The following RMDN1 variants were observed in gnomAD, a reference collection of about 807,000 sequenced individuals.
RMDN1 encodes the protein regulator of microtubule dynamics 1, also known as regulator of microtubule dynamics protein 1.
In RMDN1, 48 loss-of-function variants were observed where a neutral mutation model predicts 48.9. That is an observed-to-expected ratio of 0.98 (90% CI 0.78 to 1.25). The LOEUF (loss-of-function observed/expected upper bound fraction) is 1.25. Among genes scored for constraint, RMDN1 ranks in the 50% most tolerant of loss-of-function variants. The pLI, the probability that RMDN1 is intolerant of heterozygous loss-of-function variation, is 0.00. For synonymous variants in RMDN1, 148 were observed against 132.6 expected (o/e 1.12, Z -0.80); for missense variants, 418 against 373.4 (o/e 1.12, Z -0.98).
At chr8:86,505,429 A>G in intron 2 of RMDN1, 1 of 453,170 alleles carries the variant, frequency 2.2e-6, no homozygotes, top group Admixed American at 2.4e-5. Flanking sequence ...CCAACCTCAG[A>G]CTTATCAGGA....
At chr8:86,481,866 A>C in intron 5 of RMDN1, 1 of 739,222 alleles carries the variant, frequency 1.4e-6, no homozygotes, top group Non-Finnish European at 2.1e-6. Flanking sequence ...TTTTTTTAAA[A>C]ACATCAAGGT....
rs142790474 is a variant in RMDN1 at position 86,489,531 on chromosome 8, G to C, written c.248-892C>G. The stretch of plus-strand genomic sequence containing the variant: ...TACTTTAATTAATCACAGTATACTT[G>C]AGGTTAAAAGGGTTTCTTGGCTGGG... On this transcript the variant is annotated intron_variant, in intron 2 of 9. Coordinates refer to ENST00000406452, the MANE Select transcript of RMDN1 (RefSeq NM_016033.3). 3.3e-5 allele frequency among the ~76,000 whole-genome samples: 5 copies of C among 152,186 alleles called. No individual in the cohort carries two copies. In the East Asian group the frequency reaches 9.7e-4, roughly 29 times the overall value.
intron 8 of RMDN1, 132 bp downstream of exon 8, chr8:86,477,162 T>C (rs571873357): frequency 2.0e-5 from 11 of 547,282 alleles, no homozygotes; most frequent in East Asian, 2.0e-4. Context: ...ACTTTAAAAA[T>C]TGTTTTACAG....
chr8:86,472,569 T>G lies in RMDN1; in HGVS notation c.*1739A>C, dbSNP rs1563571863. 1.5e-6 allele frequency: 1 copy of G among 686,840 alleles called. No homozygotes were observed. The highest frequency in any genetic ancestry group is 2.6e-6 in the Non-Finnish European group (1 of 378,996). 42.5% of individuals were successfully genotyped at this position (686,840 alleles called of 1,614,324 possible). The stretch of plus-strand genomic sequence containing the variant: ...GAAAGCCTGCCATTGTTGTTGCCGT[T>G]TAACAGCTGATACAGGTTTCTGGTG... On this transcript the variant is annotated 3_prime_UTR_variant, in exon 10 of 10. Coordinates refer to ENST00000406452, the MANE Select transcript of RMDN1 (RefSeq NM_016033.3).
chr8:86,488,525 A>G, intron 3 of RMDN1, 27 bp downstream of exon 3: 1 of 1,443,162 alleles, frequency 6.9e-7, no homozygotes, highest in Non-Finnish European at 9.4e-7. Context: ...GGAAACCACA[A>G]GCCTAGGCCT....
chr8:86,480,358 C>T, intron 5 of RMDN1, 26 bp from the exon 6 acceptor site: 1 of 1,350,880 alleles, frequency 7.4e-7, no homozygotes, highest in Non-Finnish European at 1.0e-6. Context: ...AAAAATAAAT[C>T]ATATTTGTTT....
chr8:86,486,476 C>A lies in RMDN1; in HGVS notation c.495+8G>T. ...GTACATGGTTAATAGCTTAGTTAAG[C>A]AACTCACCTTATGAGATGCAAAACT... On this transcript the variant is annotated splice_region_variant and intron_variant, in intron 4 of 9. Coordinates refer to ENST00000406452, the MANE Select transcript of RMDN1 (RefSeq NM_016033.3). 2 of 1,577,730 alleles carry A rather than the reference C, an allele frequency of 1.3e-6. No individual in the cohort carries two copies. Among genetic ancestry groups the A allele is most frequent in the Non-Finnish European group, 1.7e-6 (2 of 1,158,724 alleles).
At chr8:86,505,897 C>A (rs570001588) in intron 2 of RMDN1, among the ~76,000 whole-genome samples, 4 of 152,096 alleles carry the variant, frequency 2.6e-5, no homozygotes, top group Non-Finnish European at 5.9e-5. Context: ...AAGTCATATG[C>A]CTACATAATA....
intron 2 of RMDN1, among the ~76,000 whole-genome samples, chr8:86,499,974 T>G (rs543677412): frequency 1.3e-5 from 2 of 152,292 alleles, no homozygotes; most frequent in African/African-American, 4.8e-5. Context: ...CTGGGATAAC[T>G]GCCTAGCCAT....
In RMDN1 at chr8:86,480,323, C is replaced by A; in HGVS notation, c.595G>T (p.Glu199Ter). ...IIKEHFEKAI[E>*]LNPKDATSIH... ...GAAGTAGCATCTTTAGGGTTCAGTT[C>A]AATTGCTTTCTAACAAGAAATGAGA... Residue 199 changes from glutamate to a stop codon, truncating the protein, a stop_gained, in exon 6 of 10, where the codon GAA becomes TAA. Coordinates refer to ENST00000406452, the MANE Select transcript of RMDN1 (RefSeq NM_016033.3). LOFTEE classifies it high-confidence loss of function. The A allele has an allele frequency of 6.5e-7, 1 of 1,527,688 alleles. No individual in the cohort carries two copies. Among genetic ancestry groups the A allele is most frequent in the Non-Finnish European group, 8.9e-7 (1 of 1,122,562 alleles). 94.6% of individuals were successfully genotyped at this position (1,527,688 alleles called of 1,614,324 possible).
rs1353086413 is a variant in RMDN1, at chr8:86,483,590, A to G, written c.585+1282T>C. ...AACAGGTAAATTGTTACATTATAAAATGTCAGTTATTATGTATATATTACT... is the reference window on the plus strand; with the variant it reads ...AACAGGTAAATTGTTACATTATAAAGTGTCAGTTATTATGTATATATTACT... On this transcript the variant is annotated intron_variant, in intron 5 of 9. Transcript: ENST00000406452. 3.3e-5 allele frequency among the ~76,000 whole-genome samples: 5 copies of G among 152,214 alleles called. No individual in the cohort carries two copies. In the East Asian group the frequency reaches 9.6e-4, roughly 29 times the overall value.
At chr8:86,481,155 T>C (rs1352887681) in intron 5 of RMDN1, among the ~76,000 whole-genome samples, 1 of 152,164 alleles carries the variant, frequency 6.6e-6, no homozygotes, top group Admixed American at 6.5e-5. Flanking sequence ...ATGTGTGAGG[T>C]ACACATTTTC....
chr8:86,506,006 T>C (rs1392510928), intron 2 of RMDN1, among the ~76,000 whole-genome samples: 7 of 152,216 alleles, frequency 4.6e-5, no homozygotes, highest in African/African-American at 1.4e-4. Context: ...TTGTAGTTAA[T>C]GGTGGTTGAT....
rs767916080 is a variant in RMDN1, at chr8:86,474,331, T to A, written c.922A>T (p.Thr308Ser). ...QIQTEAAQLL[T>S]SFSEKN ...TCTCAATTCTTCTCACTGAAACTTG[T>A]AAGCAACTGAGCAGCTTCTGTCTGT... Residue 308 changes from threonine to serine, a missense_variant, in exon 10 of 10, where the codon ACA becomes TCA. Thr to Ser is a moderately conservative substitution (Grantham distance 58, BLOSUM62 1). Transcript: ENST00000406452. 3 of 1,613,606 alleles carry A rather than the reference T, an allele frequency of 1.9e-6. No individual in the cohort carries two copies. Among genetic ancestry groups the A allele is most frequent in the Admixed American group, 1.7e-5 (1 of 60,012 alleles).
chr8:86,498,871 C>A (rs1031045754), intron 2 of RMDN1, among the ~76,000 whole-genome samples: 1 of 110,088 alleles, frequency 9.1e-6, no homozygotes, highest in Admixed American at 1.1e-4. Flanking sequence ...TAATACACCA[C>A]AAAAGTAGGC....
intron 2 of RMDN1, chr8:86,504,967 C>T: frequency 7.1e-7 from 1 of 1,402,950 alleles, no homozygotes; most frequent in East Asian, 2.3e-5. Context: ...ATCACATGGG[C>T]CTTTAAAAGG....
rs746979676 is a variant in RMDN1, at chr8:86,486,662, T to C, written c.336-19A>G. On this transcript the variant is annotated intron_variant, in intron 3 of 9. Coordinates refer to ENST00000406452, the MANE Select transcript of RMDN1 (RefSeq NM_016033.3). The stretch of plus-strand genomic sequence containing the variant: ...ATCTTCACTAATTTGAAATAAAATA[T>C]AAAACAACCATTTTAGCTCACATTT... 1 of 1,579,648 alleles carries C rather than the reference T, an allele frequency of 6.3e-7. No individual in the cohort carries two copies. Among genetic ancestry groups the C allele is most frequent in the Non-Finnish European group, 8.6e-7 (1 of 1,163,066 alleles).
downstream of RMDN1, chr8:86,468,776 T>C: frequency 2.2e-6 from 1 of 452,326 alleles, no homozygotes. Flanking sequence ...TACCCAATTA[T>C]AGATATCCAA....
chr8:86,470,993 C>A (rs1339193408), downstream of RMDN1, among the ~76,000 whole-genome samples: 1 of 151,942 alleles, frequency 6.6e-6, no homozygotes, highest in Non-Finnish European at 1.5e-5. Context: ...GATAGAATTG[C>A]ATACAACTAT....
Sources: gnomAD v4.1 joint callset for allele counts (sites outside exome capture counted in the v4.1 genomes callset) on GRCh38, gnomAD v4.1.1 for gene constraint, MANE v1.5 for transcripts, NCBI Gene and HGNC (gene_info 2026-07-23, HGNC 2026-07-21) for gene names.